The following KIF6 variants were observed in gnomAD, a reference collection of about 807,000 sequenced individuals.
The protein encoded by KIF6 is kinesin family member 6.
KIF6 carries 106 observed loss-of-function variants against 112.7 expected under a neutral mutation model. The observed-to-expected ratio is 0.94, with a 90% CI of 0.80 to 1.11. The LOEUF is 1.11. KIF6 is among the 50% of genes least tolerant of loss of function. The probability of loss-of-function intolerance (pLI) is 0.00; values close to 1 mark genes in which losing one functional copy is unlikely to be tolerated. For synonymous variants in KIF6, 339 were observed against 339.9 expected, an observed-to-expected ratio of 1.00 and a Z score of 0.03; for missense variants, 929 against 964.0, an observed-to-expected ratio of 0.96 and a Z score of 0.48.
intron 10 of KIF6, among the ~76,000 whole-genome samples, chr6:39,571,017 C>T (rs113290348): frequency 1.3e-5 from 2 of 152,196 alleles, no homozygotes; most frequent in African/African-American, 4.8e-5. Context: ...TACCAGTCAC[C>T]CTAAAATTTA....
intron 3 of KIF6, among the ~76,000 whole-genome samples, chr6:39,677,920 T>C (rs1787263435): frequency 6.9e-6 from 1 of 145,002 alleles, no homozygotes; most frequent in Non-Finnish European, 1.5e-5. Context: ...ATTTTCTTAA[T>C]CCAGTCTATC....
intron 13 of KIF6, among the ~76,000 whole-genome samples, chr6:39,450,063 C>A (rs995916954): frequency 6.6e-6 from 1 of 152,174 alleles, no homozygotes; most frequent in Non-Finnish European, 1.5e-5. Context: ...ATGAATAATT[C>A]TCTCCAAAGG....
intron 12 of KIF6, among the ~76,000 whole-genome samples, chr6:39,541,182 G>A (rs895765984): frequency 7.2e-5 from 11 of 152,174 alleles, no homozygotes; most frequent in East Asian, 1.9e-4. Context: ...TTAGAAAGGC[G>A]GACAGGTACC....
chr6:39,406,665 T>G (rs1769108240), intron 15 of KIF6, among the ~76,000 whole-genome samples: 1 of 152,218 alleles, frequency 6.6e-6, no homozygotes, highest in Non-Finnish European at 1.5e-5. Context: ...ATTTTTATTT[T>G]CCTTTAGTTC....
At chr6:39,534,750 C>A (rs1006883603) in intron 13 of KIF6, among the ~76,000 whole-genome samples, 1 of 152,130 alleles carries the variant, frequency 6.6e-6, no homozygotes, top group African/African-American at 2.4e-5. Context: ...AACTCCAAGA[C>A]ACATAATTGT....
At chr6:39,453,748 C>G (rs900900057) in intron 13 of KIF6, among the ~76,000 whole-genome samples, 9 of 152,198 alleles carry the variant, frequency 5.9e-5, no homozygotes, top group Admixed American at 3.3e-4. Flanking sequence ...AGTCATTAAT[C>G]ACCTCCCAAC....
chr6:39,584,567 T>C (rs1582198492), intron 9 of KIF6, among the ~76,000 whole-genome samples: 1 of 151,558 alleles, frequency 6.6e-6, no homozygotes, highest in Non-Finnish European at 1.5e-5. Flanking sequence ...TAGGATTCCC[T>C]GCATGTCTTT....
intron 16 of KIF6, among the ~76,000 whole-genome samples, chr6:39,381,139 T>G (rs1766894290): frequency 1.3e-5 from 2 of 152,172 alleles, no homozygotes; most frequent in African/African-American, 4.8e-5. Context: ...GAAATTTCCC[T>G]GGGCACACAT....
intron 14 of KIF6, 64 bp from the exon 15 acceptor site, chr6:39,420,067 A>C (rs745620073): frequency 9.9e-5 from 119 of 1,200,738 alleles, no homozygotes; most frequent in Non-Finnish European, 1.5e-4. Flanking sequence ...TTTAAAAATA[A>C]TAGATTTCTT....
intron 13 of KIF6, among the ~76,000 whole-genome samples, chr6:39,447,105 T>C (rs1581876477): frequency 1.3e-5 from 2 of 152,200 alleles, no homozygotes; most frequent in African/African-American, 4.8e-5. Flanking sequence ...GGGTTAGCAA[T>C]GTAGGGAGAG....
intron 3 of KIF6, among the ~76,000 whole-genome samples, chr6:39,655,680 C>T (rs1433681537): frequency 6.6e-6 from 1 of 152,078 alleles, no homozygotes; most frequent in Admixed American, 6.5e-5. Context: ...CCATTATTCC[C>T]TGATACATTT....
intron 3 of KIF6, among the ~76,000 whole-genome samples, chr6:39,696,989 C>T (rs1350351057): frequency 6.6e-6 from 1 of 152,016 alleles, no homozygotes; most frequent in Non-Finnish European, 1.5e-5. Context: ...TGAACAAGCC[C>T]TACTCTTTTT....
intron 13 of KIF6, among the ~76,000 whole-genome samples, chr6:39,440,323 T>C (rs1389986590): frequency 2.0e-5 from 3 of 152,044 alleles, no homozygotes; most frequent in East Asian, 3.9e-4. Flanking sequence ...AAATTGAAGG[T>C]AAGGGAACAG....
chr6:39,650,517 T>C (rs932951220), intron 3 of KIF6, among the ~76,000 whole-genome samples: 4 of 151,580 alleles, frequency 2.6e-5, no homozygotes, highest in Non-Finnish European at 4.4e-5. Context: ...TATTATACAT[T>C]ATTTTATCTT....
intron 9 of KIF6, among the ~76,000 whole-genome samples, chr6:39,578,454 G>A (rs547421092): frequency 1.3e-5 from 2 of 149,480 alleles, no homozygotes; most frequent in African/African-American, 2.5e-5. Flanking sequence ...TGCCTCAGCC[G>A]AGTAGCTGGG....
At chr6:39,358,109 C>A (rs931901899) in intron 18 of KIF6, among the ~76,000 whole-genome samples, 2 of 152,216 alleles carry the variant, frequency 1.3e-5, no homozygotes, top group Non-Finnish European at 2.9e-5. Context: ...AGCTGCATGT[C>A]CCCACATAGG....
chr6:39,458,459 C>A (rs1773284128), intron 13 of KIF6, among the ~76,000 whole-genome samples: 1 of 146,644 alleles, frequency 6.8e-6, no homozygotes, highest in Admixed American at 6.8e-5. Flanking sequence ...TGAAAACTGG[C>A]ACAAGACAGG....
chr6:39,597,342 G>A (rs1034480308), intron 6 of KIF6, among the ~76,000 whole-genome samples: 28 of 152,080 alleles, frequency 1.8e-4, no homozygotes, highest in Non-Finnish European at 2.6e-4. Flanking sequence ...TTCTGTGAAA[G>A]AATAACAATA....
At position 39,613,205 on chromosome 6, in the gene KIF6, T is replaced by C; in HGVS notation, c.623A>G (p.Asn208Ser). Residue 208 changes from asparagine (N) to serine (S), a missense_variant, in exon 6 of 23, where the codon AAC becomes AGC. Asn to Ser is a conservative substitution (Grantham distance 46, BLOSUM62 1). This residue lies in a region of KIF6 where 688 missense variants were observed against 662.7 expected (regional missense o/e 1.04). Coordinates refer to ENST00000287152, the MANE Select transcript of KIF6 (RefSeq NM_145027.6). ...ALNLLFLGDT[N>S]RMIAETPMNQ... The stretch of plus-strand genomic sequence containing the variant: ...GTTTATTACCTCTGCAATCATTCGG[T>C]TGGTGTCTCCTAAAAAAAGCAAATT... 1 of 1,598,870 alleles carries C rather than the reference T, an allele frequency of 6.3e-7. No individual in the cohort carries two copies. The highest frequency in any genetic ancestry group is 2.3e-5 in the East Asian group (1 of 43,988).
Sources: allele counts gnomAD v4.1 joint callset (sites outside exome capture counted in the v4.1 genomes callset), GRCh38; gene constraint gnomAD v4.1.1; regional missense constraint gnomAD v4.1.1; transcripts MANE v1.5; gene names NCBI Gene and HGNC (gene_info 2026-07-23, HGNC 2026-07-21).